Variants in RIC3 observed in about 807,000 individuals in gnomAD.
RIC3 encodes the protein RIC3 acetylcholine receptor chaperone.
RIC3 carries 28 observed loss-of-function variants against 27.3 expected under a neutral mutation model. The ratio of observed to expected loss-of-function variants is 1.02; its 90% CI spans 0.76 to 1.41. The LOEUF (loss-of-function observed/expected upper bound fraction) is 1.41, where lower values mean the gene tolerates loss of function less well. Among genes scored for constraint, RIC3 ranks in the 40% most tolerant of loss-of-function variants. The pLI is 0.00. For missense variants in RIC3, 501 were observed against 444.7 expected (o/e 1.13, Z -1.14); for synonymous variants, 184 against 160.4 (o/e 1.15, Z -1.11).
chr11:8,158,956 A>C (rs60409684), intron 1 of RIC3, among the ~76,000 whole-genome samples: 14 of 150,076 alleles, frequency 9.3e-5, no homozygotes, highest in African/African-American at 2.5e-4. Flanking sequence ...TGGTCTTGAA[A>C]TCCTGACCTT....
intron 4 of RIC3, chr11:8,135,771 G>C (rs371747656): frequency 4.6e-5 from 7 of 152,134 alleles, no homozygotes; most frequent in Non-Finnish European, 1.0e-4. Flanking sequence ...GCCCAGGTGA[G>C]TGTAAAGATA....
At chr11:8,162,787 A>G (rs1451550899) in intron 1 of RIC3, among the ~76,000 whole-genome samples, 1 of 151,762 alleles carries the variant, frequency 6.6e-6, no homozygotes, top group African/African-American at 2.4e-5. Context: ...CTGGAATTAC[A>G]GGCGTGCACC....
chr11:8,095,179 C>T, the RIC3 span, among the ~76,000 whole-genome samples: 1 of 152,186 alleles, frequency 6.6e-6, no homozygotes, highest in African/African-American at 2.4e-5. Context: ...TGGATCAGTC[C>T]TTGTTCTCCA....
Position 8,140,205 on chromosome 11 carries a change from A to G in RIC3, c.125-12T>C, listed in dbSNP as rs1948894979. On this transcript the variant is annotated splice_polypyrimidine_tract_variant and intron_variant, in intron 1 of 5. Transcript: ENST00000309737. ...TCGGCCCAATTTTCCTGAGAAAATA[A>G]TAATCACTTTTTATCTCTTCTACTA... is the stretch of plus-strand genomic sequence containing the variant. 3 of 1,608,422 alleles carry G rather than the reference A, an allele frequency of 1.9e-6. No homozygotes were observed. Among genetic ancestry groups the G allele is most frequent in the Non-Finnish European group, 2.5e-6 (3 of 1,176,536 alleles).
Position 8,110,617 on chromosome 11 carries a change from G to T in RIC3, c.*81C>A. 1 of 1,251,400 alleles carries T rather than the reference G, an allele frequency of 8.0e-7. No individual in the cohort carries two copies. The highest frequency in any genetic ancestry group is 1.2e-6 in the Non-Finnish European group (1 of 855,158). The allele number at this position is 1,251,400 out of a possible 1,614,324, so 77.5% of individuals were successfully genotyped here. On this transcript the variant is annotated 3_prime_UTR_variant, in exon 6 of 6. Coordinates refer to ENST00000309737, the MANE Select transcript of RIC3 (RefSeq NM_001206671.4). The stretch of plus-strand genomic sequence containing the variant: ...ACTTGAACACAGTGAAGAAAGTGCA[G>T]GGCACAGGGCCAAGAAGGAAATCTG...
At chr11:8,154,530 CCTT>C (rs1157530785) in intron 1 of RIC3, among the ~76,000 whole-genome samples, 4 of 152,164 alleles carry the variant, frequency 2.6e-5, no homozygotes, top group Non-Finnish European at 5.9e-5. Context: ...TCCTTTTCTG[CCTT>C]TTTTTCCAGG....
intron 1 of RIC3, among the ~76,000 whole-genome samples, chr11:8,163,877 A>G (rs1028314921): frequency 6.6e-6 from 1 of 151,468 alleles, no homozygotes; most frequent in African/African-American, 2.4e-5. Flanking sequence ...ATGCTAGGTC[A>G]CAGGACCCAA....
At chr11:8,101,209 A>C (rs985842309), downstream of RIC3, among the ~76,000 whole-genome samples, 1 of 152,142 alleles carries the variant, frequency 6.6e-6, no homozygotes, top group South Asian at 2.1e-4. Flanking sequence ...CTGTGTATTC[A>C]ACGGAGTCTC....
At chr11:8,142,643 T>C (rs1167167741) in intron 1 of RIC3, among the ~76,000 whole-genome samples, 35 of 143,884 alleles carry the variant, frequency 2.4e-4, no homozygotes, top group Admixed American at 5.6e-4. Context: ...CTCCAATCAA[T>C]AGAAAAAGAG....
downstream of RIC3, chr11:8,102,974 G>C (rs17847552): frequency 0.035 from 5,350 of 152,354 alleles, 117 homozygotes; most frequent in South Asian, 0.071. Context: ...AAGCATCAGA[G>C]TTGATAAATT....
At chr11:8,121,824 A>C (rs1946491809) in intron 5 of RIC3, among the ~76,000 whole-genome samples, 1 of 152,202 alleles carries the variant, frequency 6.6e-6, no homozygotes, top group African/African-American at 2.4e-5. Flanking sequence ...GCAGAAGGTA[A>C]AAGTTTTATG....
At chr11:8,124,880 T>C (rs546187371) in intron 5 of RIC3, among the ~76,000 whole-genome samples, 1 of 152,234 alleles carries the variant, frequency 6.6e-6, no homozygotes, top group African/African-American at 2.4e-5. Flanking sequence ...CAGGCCTAAA[T>C]GTAAAAGCTA....
At chr11:8,122,455 G>GTATATATATATATATA (rs200115129) in intron 5 of RIC3, among the ~76,000 whole-genome samples, 1 of 151,704 alleles carries the variant, frequency 6.6e-6, no homozygotes, top group Admixed American at 6.7e-5. Context: ...ACCACAGTGT[G>GTATATATATATATATA]TATATATATA....
At chr11:8,103,781 T>G (rs1036446182), downstream of RIC3, 5 of 152,680 alleles carry the variant, frequency 3.3e-5, no homozygotes, top group African/African-American at 1.2e-4. Flanking sequence ...TAGGTCAAGC[T>G]ATTTCTCTGG....
intron 1 of RIC3, among the ~76,000 whole-genome samples, chr11:8,154,120 T>G (rs1435568389): frequency 1.3e-5 from 2 of 152,126 alleles, no homozygotes; most frequent in Non-Finnish European, 2.9e-5. Flanking sequence ...AAAGAAAAAT[T>G]TGAAACTATG....
At chr11:8,116,080 G>T (rs1402165511) in intron 5 of RIC3, among the ~76,000 whole-genome samples, 1 of 151,990 alleles carries the variant, frequency 6.6e-6, no homozygotes, top group African/African-American at 2.4e-5. Context: ...TAAAAGCCCA[G>T]AAATAAATCC....
At chr11:8,146,665 G>A (rs933145598) in intron 1 of RIC3, among the ~76,000 whole-genome samples, 2 of 150,322 alleles carry the variant, frequency 1.3e-5, no homozygotes, top group African/African-American at 4.9e-5. Flanking sequence ...ATTTTAGAGA[G>A]ACATGAGACT....
chr11:8,161,458 A>G (rs1016680220), intron 1 of RIC3, among the ~76,000 whole-genome samples: 1 of 152,156 alleles, frequency 6.6e-6, no homozygotes, highest in African/African-American at 2.4e-5. Context: ...TTCCCATTCT[A>G]TTTTAAAATG....
At chr11:8,116,837 A>G (rs2133411733) in intron 5 of RIC3, among the ~76,000 whole-genome samples, 1 of 152,376 alleles carries the variant, frequency 6.6e-6, no homozygotes, top group South Asian at 2.1e-4. Context: ...GTCACTATGG[A>G]AAACAGTATA....
Sources: allele counts gnomAD v4.1 joint callset (sites outside exome capture counted in the v4.1 genomes callset), GRCh38; gene constraint gnomAD v4.1.1; transcripts MANE v1.5; gene names NCBI Gene and HGNC (gene_info 2026-07-23, HGNC 2026-07-21).